The following OSBPL1A variants were observed in gnomAD, a reference collection of about 807,000 sequenced individuals.
OSBPL1A encodes the protein oxysterol binding protein like 1A.
A neutral mutation model predicts 137.1 loss-of-function variants in OSBPL1A; 80 were observed. That is an observed-to-expected ratio of 0.58 (90% CI 0.49 to 0.70). The LOEUF is 0.70. Ranked by LOEUF, OSBPL1A falls within the 30% of genes least tolerant of loss-of-function variation. The pLI, the probability that OSBPL1A is intolerant of heterozygous loss-of-function variation, is 0.00. For missense variants in OSBPL1A, 970 were observed against 1,129.4 expected, an observed-to-expected ratio of 0.86 and a Z score of 2.02; for synonymous variants, 365 against 389.7, an observed-to-expected ratio of 0.94 and a Z score of 0.75.
At chr18:24,203,083 T>C (rs565698232) in intron 17 of OSBPL1A, among the ~76,000 whole-genome samples, 6 of 152,332 alleles carry the variant, frequency 3.9e-5, no homozygotes, top group African/African-American at 1.4e-4. Flanking sequence ...GTTCAAGCGA[T>C]TCTCCTGCTT....
intron 20 of OSBPL1A, 147 bp downstream of exon 20, chr18:24,179,591 T>TCTAA: frequency 3.1e-6 from 2 of 655,342 alleles, no homozygotes; most frequent in Non-Finnish European, 5.3e-6. Context: ...TTTGACAGTC[T>TCTAA]CTAAAATAAT....
In OSBPL1A at chr18:24,303,629, C is replaced by CT; in HGVS notation, c.1174+7dup. 1 of 1,607,724 alleles carries CT rather than the reference C, an allele frequency of 6.2e-7. No individual in the cohort carries two copies. The highest frequency in any genetic ancestry group is 8.5e-7 in the Non-Finnish European group (1 of 1,174,552). The stretch of plus-strand genomic sequence containing the variant: ...GAGTGATTGTAGGGATAGTGCTTGT[C>CT]TTTTTACCTTTAGCCATGTCACACT... On this transcript the variant is annotated splice_region_variant and intron_variant, in intron 14 of 27. Transcript: ENST00000319481.
chr18:24,196,942 T>C (rs984391395), intron 17 of OSBPL1A, among the ~76,000 whole-genome samples: 2 of 152,230 alleles, frequency 1.3e-5, no homozygotes, highest in Non-Finnish European at 2.9e-5. Context: ...GAGTCAGGCC[T>C]GGTGGGCAGG....
chr18:24,326,508 G>A (rs2090983180), intron 7 of OSBPL1A, among the ~76,000 whole-genome samples: 1 of 152,248 alleles, frequency 6.6e-6, no homozygotes, highest in South Asian at 2.1e-4. Context: ...GAGGTTGAGA[G>A]ATTGTGGTCT....
intron 4 of OSBPL1A, among the ~76,000 whole-genome samples, chr18:24,349,276 A>C (rs2091398252): frequency 6.6e-6 from 1 of 152,162 alleles, no homozygotes. Flanking sequence ...CTGACATATG[A>C]CTAGCACAAA....
intron 14 of OSBPL1A, among the ~76,000 whole-genome samples, chr18:24,293,680 G>T (rs1404461117): frequency 6.6e-6 from 1 of 152,206 alleles, no homozygotes; most frequent in Non-Finnish European, 1.5e-5. Flanking sequence ...CGTAGGCCAG[G>T]CCAATGAGGC....
intron 2 of OSBPL1A, among the ~76,000 whole-genome samples, chr18:24,372,162 C>G (rs1905696972): frequency 6.6e-6 from 1 of 151,738 alleles, no homozygotes; most frequent in East Asian, 1.9e-4. Flanking sequence ...GTAATCCCAG[C>G]TACTCCAGAG....
intron 5 of OSBPL1A, 148 bp downstream of exon 5, chr18:24,341,399 G>A (rs931864701): frequency 3.1e-4 from 185 of 605,712 alleles, no homozygotes; most frequent in Admixed American, 9.4e-5. Flanking sequence ...ATAATTGTGT[G>A]TTTAATCAAT....
chr18:24,244,149 G>A (rs534784728), intron 15 of OSBPL1A, among the ~76,000 whole-genome samples: 1 of 152,322 alleles, frequency 6.6e-6, no homozygotes, highest in African/African-American at 2.4e-5. Flanking sequence ...TTAGTTGCAA[G>A]CTTAGAAACT....
intron 2 of OSBPL1A, among the ~76,000 whole-genome samples, chr18:24,374,009 GGGTGGA>G (rs1905884837): frequency 6.6e-6 from 1 of 152,184 alleles, no homozygotes; most frequent in Admixed American, 6.5e-5. Context: ...AGGCAAACAT[GGGTGGA>G]GGTGGGAAGG....
intron 15 of OSBPL1A, among the ~76,000 whole-genome samples, chr18:24,276,541 T>C (rs937628279): frequency 6.6e-5 from 10 of 152,100 alleles, no homozygotes; most frequent in Non-Finnish European, 1.2e-4. Flanking sequence ...CTGGGTTCAA[T>C]GGATTATCCT....
At chr18:24,396,503 T>G (rs1907753036) in intron 1 of OSBPL1A, among the ~76,000 whole-genome samples, 1 of 152,216 alleles carries the variant, frequency 6.6e-6, no homozygotes, top group South Asian at 2.1e-4. Context: ...AGAGTTACAC[T>G]GCCTGGGAGA....
In OSBPL1A at chr18:24,353,819, C is replaced by T. The variant is rs144323493; in HGVS notation, c.283-12161G>A. Reference sequence around the variant, plus strand: ...CATACTCAGCAAACTATCGCAAGGACGAGAAACCAAACACCGCATGTTCTC... The same window carrying T: ...CATACTCAGCAAACTATCGCAAGGATGAGAAACCAAACACCGCATGTTCTC... On this transcript the variant is annotated intron_variant, in intron 4 of 27. Coordinates refer to ENST00000319481, the MANE Select transcript of OSBPL1A (RefSeq NM_080597.4). Among the ~76,000 whole-genome samples, 363 of 150,858 alleles carry T rather than the reference C, an allele frequency of 2.4e-3. 1 individual carries two copies. The highest frequency in any genetic ancestry group is 8.5e-3 in the African/African-American group (347 of 41,026).
intron 2 of OSBPL1A, among the ~76,000 whole-genome samples, chr18:24,370,741 C>T (rs1365985289): frequency 2.0e-5 from 3 of 152,210 alleles, no homozygotes; most frequent in African/African-American, 7.2e-5. Flanking sequence ...AATCACATCT[C>T]ACTGCAGCCT....
chr18:24,309,310 T>G (rs758648179), intron 13 of OSBPL1A, among the ~76,000 whole-genome samples: 3 of 152,206 alleles, frequency 2.0e-5, no homozygotes, highest in Non-Finnish European at 4.4e-5. Flanking sequence ...AGACAATGTT[T>G]ACCAAAAAAT....
Position 24,271,961 on chromosome 18 carries a change from C to T in OSBPL1A, c.1281+8881G>A, listed in dbSNP as rs1335170213. 1 of 982,134 alleles carries T rather than the reference C, an allele frequency of 1.0e-6. No homozygotes were observed. The highest frequency in any genetic ancestry group is 1.1e-4 in the East Asian group (1 of 8,768). 60.8% of individuals were successfully genotyped at this position (982,134 alleles called of 1,614,324 possible). A position where few individuals can be genotyped will look rare whatever the true frequency, so the allele number is the denominator to read the frequency against. ...CTGGCTCGGCCGCAGACCCGCCCTCCGGGGCTCGCGGGGAGAGCGCGGGCG... is the reference window on the plus strand; with the variant it reads ...CTGGCTCGGCCGCAGACCCGCCCTCTGGGGCTCGCGGGGAGAGCGCGGGCG... On this transcript the variant is annotated intron_variant, in intron 15 of 27. Transcript: ENST00000319481. This position sits in a 1 kb window ranked among gnomAD's most constrained non-coding sequence, Gnocchi z 4.0.
chr18:24,183,910 T>C (rs189701369), intron 18 of OSBPL1A, among the ~76,000 whole-genome samples: 71 of 152,334 alleles, frequency 4.7e-4, no homozygotes, highest in African/African-American at 1.7e-3. Context: ...CTGAACCAGA[T>C]TGAGTTCCAC....
chr18:24,236,128 G>T (rs2088465475), intron 16 of OSBPL1A, among the ~76,000 whole-genome samples: 1 of 152,196 alleles, frequency 6.6e-6, no homozygotes, highest in Non-Finnish European at 1.5e-5. Flanking sequence ...AACTGTAACA[G>T]AATATATTTG....
intron 17 of OSBPL1A, among the ~76,000 whole-genome samples, chr18:24,215,619 G>A (rs904776746): frequency 6.6e-6 from 1 of 152,074 alleles, no homozygotes; most frequent in East Asian, 1.9e-4. Flanking sequence ...AAAGAACTCC[G>A]TGTCCCCTGA....
Sources: allele counts gnomAD v4.1 joint callset (sites outside exome capture counted in the v4.1 genomes callset), GRCh38; gene constraint gnomAD v4.1.1; non-coding constraint Gnocchi (gnomAD v3.1); transcripts MANE v1.5; gene names NCBI Gene and HGNC (gene_info 2026-07-23, HGNC 2026-07-21).